CA10: variants seen among roughly 807,000 people sequenced by gnomAD.
CA10 encodes carbonic anhydrase-related protein 10.
A neutral mutation model predicts 44.2 loss-of-function variants in CA10; 14 were observed. The ratio of observed to expected loss-of-function variants is 0.32; its 90% CI spans 0.21 to 0.50. The LOEUF (loss-of-function observed/expected upper bound fraction) is 0.50. Among genes scored for constraint, CA10 ranks in the 20% least tolerant of loss-of-function variants. The pLI is 0.99. For missense variants in CA10, 350 were observed against 409.7 expected (o/e 0.85, Z 1.26); for synonymous variants, 159 against 141.6 (o/e 1.12, Z -0.87).
intron 4 of CA10, among the ~76,000 whole-genome samples, chr17:51,663,880 A>C (rs1914108468): frequency 6.6e-6 from 1 of 152,218 alleles, no homozygotes; most frequent in Admixed American, 6.5e-5. Context: ...ATCTTACTTT[A>C]TCTTATTGTC....
chr17:51,841,410 T>G (rs912198799), intron 3 of CA10, among the ~76,000 whole-genome samples: 5 of 152,210 alleles, frequency 3.3e-5, no homozygotes, highest in Admixed American at 2.6e-4. Context: ...AGAGTGCATC[T>G]TCTTTGCTAG....
intron 3 of CA10, among the ~76,000 whole-genome samples, chr17:51,909,084 A>G (rs184658576): frequency 3.9e-5 from 6 of 152,196 alleles, no homozygotes; most frequent in Non-Finnish European, 8.8e-5. Flanking sequence ...TCCAGCGCAC[A>G]TGATATTTCA....
chr17:52,155,226 G>A (rs1315915664), intron 1 of CA10, among the ~76,000 whole-genome samples: 1 of 152,160 alleles, frequency 6.6e-6, no homozygotes, highest in Non-Finnish European at 1.5e-5. Flanking sequence ...CCACTTAGTG[G>A]TCAGGAAAAT....
chr17:51,796,940 G>A (rs1906731520), intron 3 of CA10, among the ~76,000 whole-genome samples: 1 of 152,084 alleles, frequency 6.6e-6, no homozygotes, highest in Non-Finnish European at 1.5e-5. Flanking sequence ...AATTGTTAGG[G>A]TGACCTCCCT....
At chr17:51,706,834 C>A (rs1915776645) in intron 4 of CA10, among the ~76,000 whole-genome samples, 1 of 152,178 alleles carries the variant, frequency 6.6e-6, no homozygotes, top group Non-Finnish European at 1.5e-5. Flanking sequence ...ACCTCTCTAC[C>A]TAGAAACTTG....
At chr17:52,002,312 A>C (rs1176499013) in intron 2 of CA10, among the ~76,000 whole-genome samples, 1 of 151,984 alleles carries the variant, frequency 6.6e-6, no homozygotes, top group South Asian at 2.1e-4. Context: ...AAAGACAAGC[A>C]GTGATCTGTA....
chr17:51,745,742 C>T (rs1055856287), intron 4 of CA10, among the ~76,000 whole-genome samples: 1 of 152,194 alleles, frequency 6.6e-6, no homozygotes, highest in African/African-American at 2.4e-5. Flanking sequence ...TAAACATCTA[C>T]ATTTTATCAA....
chr17:52,071,049 T>A (rs754886322), intron 2 of CA10, among the ~76,000 whole-genome samples: 6 of 152,212 alleles, frequency 3.9e-5, no homozygotes, highest in Non-Finnish European at 7.3e-5. Flanking sequence ...AACATTCTAT[T>A]TCTTTAAAAG....
At chr17:52,118,078 A>G (rs1988936672) in intron 1 of CA10, among the ~76,000 whole-genome samples, 1 of 152,194 alleles carries the variant, frequency 6.6e-6, no homozygotes, top group Admixed American at 6.5e-5. Flanking sequence ...GAGGGTTATA[A>G]AAGGATTATA....
intron 1 of CA10, among the ~76,000 whole-genome samples, chr17:52,149,574 T>C (rs1989660527): frequency 6.6e-6 from 1 of 152,188 alleles, no homozygotes. Flanking sequence ...AAAGGTCTGT[T>C]TAAGGTTACA....
At chr17:51,839,531 G>GAAGCAAGACTCCTTCTC (rs1978302498) in intron 3 of CA10, among the ~76,000 whole-genome samples, 1 of 109,190 alleles carries the variant, frequency 9.2e-6, no homozygotes, top group African/African-American at 3.7e-5. Flanking sequence ...AAAAAAAAAG[G>GAAGCAAGACTCCTTCTC]AACTACTTTG....
chr17:51,639,507 C>T (rs887638920), intron 6 of CA10, among the ~76,000 whole-genome samples: 1 of 152,124 alleles, frequency 6.6e-6, no homozygotes, highest in African/African-American at 2.4e-5. Context: ...TCACACACAG[C>T]AGGTTTCCAA....
chr17:51,983,269 A>G lies in CA10; in HGVS notation c.137-52137T>C, dbSNP rs1347885537. Reference sequence around the variant, plus strand: ...CACTTTTCAAGCTATATTCCTATCTAGGGCATTCATAACAGAGAGTGGTTT... The same window carrying G: ...CACTTTTCAAGCTATATTCCTATCTGGGGCATTCATAACAGAGAGTGGTTT... On this transcript the variant is annotated intron_variant, in intron 2 of 8. Transcript: ENST00000451037. Among the ~76,000 whole-genome samples the G allele has an allele frequency of 3.3e-5, 5 of 151,806 alleles. No homozygotes were observed. The Admixed American group carries it at 3.3e-4, about 10-fold the overall frequency.
At chr17:51,665,927 G>A (rs1402790306) in intron 4 of CA10, among the ~76,000 whole-genome samples, 2 of 152,212 alleles carry the variant, frequency 1.3e-5, no homozygotes, top group East Asian at 1.9e-4. Flanking sequence ...ATGACTATGG[G>A]ACCAGGCTGC....
chr17:51,784,409 A>G (rs192375082), intron 3 of CA10, among the ~76,000 whole-genome samples: 140 of 152,336 alleles, frequency 9.2e-4, no homozygotes, highest in African/African-American at 3.2e-3. Flanking sequence ...AATTTAAAAT[A>G]TGTCAGTTTA....
In CA10 at chr17:51,811,190, G is replaced by GA. The variant is rs35275627; in HGVS notation, c.280-63373dup. 2.3e-3 allele frequency among the ~76,000 whole-genome samples: 293 copies of GA among 125,180 alleles called. 3 individuals carry two copies. Among genetic ancestry groups the GA allele is most frequent in the East Asian group, 0.011 (49 of 4,298 alleles). The allele number at this position is 125,180 out of a possible 152,430, so 82.1% of individuals were successfully genotyped here. On this transcript the variant is annotated intron_variant, in intron 3 of 8. Transcript: ENST00000451037. ...CAGCCTGGATGACAGACTCCATCTC[G>GA]AAAAAAAAAAAAAAAAAATTCTGAA...
At chr17:51,831,764 T>G (rs956142338) in intron 3 of CA10, among the ~76,000 whole-genome samples, 1 of 132,008 alleles carries the variant, frequency 7.6e-6, no homozygotes, top group Admixed American at 7.6e-5. Context: ...TATTTTTCAC[T>G]GACTGGACAG....
At chr17:51,811,442 C>T (rs916459841) in intron 3 of CA10, among the ~76,000 whole-genome samples, 2 of 152,110 alleles carry the variant, frequency 1.3e-5, no homozygotes, top group Admixed American at 1.3e-4. Flanking sequence ...CTACTCCAGC[C>T]CCCTCCCGAC....
intron 1 of CA10, among the ~76,000 whole-genome samples, chr17:52,108,190 T>TA (rs1567735823): frequency 3.8e-5 from 3 of 79,018 alleles, no homozygotes; most frequent in South Asian, 3.8e-4. Context: ...TATATATATA[T>TA]TTTTTATATA....
Sources: allele counts gnomAD v4.1 joint callset (sites outside exome capture counted in the v4.1 genomes callset), GRCh38; gene constraint gnomAD v4.1.1; transcripts MANE v1.5; gene names NCBI Gene and HGNC (gene_info 2026-07-23, HGNC 2026-07-21).